The following NRXN3 variants were observed in gnomAD, a reference collection of about 807,000 sequenced individuals.
NRXN3 encodes neurexin III.
In NRXN3, 32 loss-of-function variants were observed where a neutral mutation model predicts 137.6. The ratio of observed to expected loss-of-function variants is 0.23; its 90% CI spans 0.18 to 0.31. The LOEUF is 0.31. Ranked by LOEUF, NRXN3 falls within the 10% of genes least tolerant of loss-of-function variation. The pLI is 1.00. For synonymous variants in NRXN3, 798 were observed against 784.5 expected (o/e 1.02, Z -0.29); for missense variants, 1,574 against 2,062.5 (o/e 0.76, Z 4.59).
intron 4 of NRXN3, among the ~76,000 whole-genome samples, chr14:78,318,647 C>A (rs529730045): frequency 6.6e-6 from 1 of 152,222 alleles, no homozygotes; most frequent in African/African-American, 2.4e-5. Context: ...AATGTCACTG[C>A]GGGTGTTAGC....
intron 14 of NRXN3, among the ~76,000 whole-genome samples, chr14:78,971,158 G>A (rs906734469): frequency 1.3e-5 from 2 of 152,016 alleles, no homozygotes; most frequent in African/African-American, 4.8e-5. Flanking sequence ...TGGTGGGGAG[G>A]TAAAGGGAGA....
chr14:79,491,933 A>G (rs1277501540), intron 16 of NRXN3, among the ~76,000 whole-genome samples: 2 of 152,218 alleles, frequency 1.3e-5, no homozygotes, highest in Non-Finnish European at 2.9e-5. Flanking sequence ...TAAGGAGACA[A>G]TTCTCTGACA....
intron 15 of NRXN3, among the ~76,000 whole-genome samples, chr14:79,147,072 C>T (rs2059366518): frequency 1.3e-5 from 2 of 152,036 alleles, no homozygotes; most frequent in Non-Finnish European, 2.9e-5. Flanking sequence ...GTTAGCAGGT[C>T]AGATTTAAAA....
chr14:78,942,380 A>G (rs889491744), intron 10 of NRXN3, among the ~76,000 whole-genome samples: 2 of 152,214 alleles, frequency 1.3e-5, no homozygotes. Context: ...GGGAGCCACA[A>G]TGAGTGTTTC....
chr14:78,878,178 A>G (rs1319592923), intron 10 of NRXN3, among the ~76,000 whole-genome samples: 2 of 152,172 alleles, frequency 1.3e-5, no homozygotes, highest in South Asian at 2.1e-4. Flanking sequence ...TCATAATCAC[A>G]AGTAATTGGG....
intron 10 of NRXN3, among the ~76,000 whole-genome samples, chr14:78,956,327 TA>T (rs2099396722): frequency 6.6e-6 from 1 of 152,194 alleles, no homozygotes; most frequent in African/African-American, 2.4e-5. Flanking sequence ...AAGAATGTGA[TA>T]TTTTCTTCCT....
chr14:79,431,942 T>C (rs1241066350), intron 15 of NRXN3, among the ~76,000 whole-genome samples: 1 of 152,180 alleles, frequency 6.6e-6, no homozygotes, highest in Non-Finnish European at 1.5e-5. Context: ...AGCTTAATAA[T>C]GGTATCCTTG....
chr14:78,249,296 G>T (rs1237637864), intron 2 of NRXN3, among the ~76,000 whole-genome samples: 1 of 152,232 alleles, frequency 6.6e-6, no homozygotes, highest in Non-Finnish European at 1.5e-5. Context: ...CAGACATTTT[G>T]CCAGGAGCCT....
At chr14:79,339,006 A>G (rs889155456) in intron 15 of NRXN3, among the ~76,000 whole-genome samples, 6 of 152,218 alleles carry the variant, frequency 3.9e-5, no homozygotes, top group Admixed American at 3.9e-4. Context: ...CCCATTTGGA[A>G]AAATAAATCC....
intron 4 of NRXN3, among the ~76,000 whole-genome samples, chr14:78,575,945 T>C (rs1427857020): frequency 1.3e-5 from 2 of 152,068 alleles, no homozygotes; most frequent in Non-Finnish European, 2.9e-5. Context: ...GGAAATAAAG[T>C]GGAAGGAAAG....
Position 79,831,445 on chromosome 14 carries a change from G to A in NRXN3, c.4093+26255G>A, listed in dbSNP as rs28435409. 4.5e-3 allele frequency among the ~76,000 whole-genome samples: 690 copies of A among 152,244 alleles called. 6 individuals carry two copies. The highest frequency in any genetic ancestry group is 0.016 in the African/African-American group (672 of 41,556). ...AGGCTTGACGATTGCCCATGCATCT[G>A]GTCCTGCTTTAAAGGAAGCTCATGT... On this transcript the variant is annotated intron_variant, in intron 20 of 20. Coordinates refer to ENST00000335750, the MANE Select transcript of NRXN3 (RefSeq NM_001330195.2).
intron 4 of NRXN3, among the ~76,000 whole-genome samples, chr14:78,408,921 A>G (rs1156577320): frequency 6.6e-6 from 1 of 152,252 alleles, no homozygotes; most frequent in Non-Finnish European, 1.5e-5. Context: ...TTTATTTCTC[A>G]GCTATTAATA....
At chr14:78,973,064 G>A (rs1044002811) in intron 14 of NRXN3, among the ~76,000 whole-genome samples, 2 of 152,156 alleles carry the variant, frequency 1.3e-5, no homozygotes, top group African/African-American at 4.8e-5. Flanking sequence ...CTGAAAGGGT[G>A]ACAGATAACC....
intron 4 of NRXN3, among the ~76,000 whole-genome samples, chr14:78,409,219 G>A (rs568205747): frequency 7.2e-5 from 11 of 152,346 alleles, no homozygotes; most frequent in African/African-American, 1.9e-4. Flanking sequence ...AGGTACTAGC[G>A]TAGATGGTGG....
chr14:78,912,813 G>A (rs1228482844), intron 10 of NRXN3, among the ~76,000 whole-genome samples: 2 of 152,058 alleles, frequency 1.3e-5, no homozygotes, highest in Non-Finnish European at 2.9e-5. Flanking sequence ...AATACATGGA[G>A]GATTATAGCC....
At chr14:79,803,370 A>G (rs1279532114) in intron 19 of NRXN3, among the ~76,000 whole-genome samples, 2 of 152,132 alleles carry the variant, frequency 1.3e-5, no homozygotes, top group African/African-American at 4.8e-5. Context: ...TTTCCTCGAA[A>G]TTCTGGAGGC....
chr14:78,995,555 A>G (rs764281718), intron 15 of NRXN3, among the ~76,000 whole-genome samples: 3 of 152,198 alleles, frequency 2.0e-5, no homozygotes, highest in Non-Finnish European at 4.4e-5. Context: ...AAATTTTACA[A>G]ACATAAATTG....
At chr14:79,565,288 C>CATGTATATGTATATATGT (rs1422229234) in intron 16 of NRXN3, among the ~76,000 whole-genome samples, 1 of 117,100 alleles carries the variant, frequency 8.5e-6, no homozygotes, top group East Asian at 2.7e-4. Flanking sequence ...TACATATACG[C>CATGTATATGTATATATGT]ACACATGTGT....
At chr14:79,358,585 G>GAGAAAGAAAGAA (rs1216743218) in intron 15 of NRXN3, among the ~76,000 whole-genome samples, 1 of 78,056 alleles carries the variant, frequency 1.3e-5, no homozygotes, top group East Asian at 3.7e-4. Flanking sequence ...GAAAGAAAGA[G>GAGAAAGAAAGAA]AGAAAGAAAG....
Sources: gnomAD v4.1 joint callset for allele counts (sites outside exome capture counted in the v4.1 genomes callset) on GRCh38, gnomAD v4.1.1 for gene constraint, MANE v1.5 for transcripts, NCBI Gene and HGNC (gene_info 2026-07-23, HGNC 2026-07-21) for gene names.